Variants in C4orf33 observed in about 807,000 individuals in gnomAD.
C4orf33 encodes chromosome 4 open reading frame 33.
In C4orf33, 20 loss-of-function variants were observed where a neutral mutation model predicts 24.3. The ratio of observed to expected loss-of-function variants is 0.82; its 90% CI spans 0.58 to 1.19. C4orf33 has a LOEUF of 1.19. Ranked by LOEUF, C4orf33 falls within the 50% of genes most tolerant of loss-of-function variation. The pLI is 0.00. For missense variants in C4orf33, 207 were observed against 225.9 expected (o/e 0.92, Z 0.54); for synonymous variants, 67 against 76.4 (o/e 0.88, Z 0.64).
chr4:129,095,464 A>G (rs536291818), upstream of C4orf33, among the ~76,000 whole-genome samples: 1 of 152,236 alleles, frequency 6.6e-6, no homozygotes, highest in Non-Finnish European at 1.5e-5. Context: ...TATTAGTATA[A>G]ATTGAATACA....
chr4:129,111,514 T>C (rs1753689760), intron 5 of C4orf33, among the ~76,000 whole-genome samples, 172 bp from the exon 6 acceptor site: 1 of 152,222 alleles, frequency 6.6e-6, no homozygotes, highest in South Asian at 2.1e-4. Context: ...CAGAGCTGAG[T>C]GTTTGACAGC....
chr4:129,095,782 T>G (rs1359285256), upstream of C4orf33, among the ~76,000 whole-genome samples: 1 of 152,222 alleles, frequency 6.6e-6, no homozygotes, highest in African/African-American at 2.4e-5. Context: ...AATTGTTAAC[T>G]GCTATGAACA....
At chr4:129,099,897 C>T (rs1007484676) in intron 1 of C4orf33, among the ~76,000 whole-genome samples, 6 of 151,650 alleles carry the variant, frequency 4.0e-5, no homozygotes, top group East Asian at 1.9e-4. Flanking sequence ...CTTAGATTGA[C>T]GTCAGTGTTC....
At chr4:129,105,812 A>G (rs1753500003) in intron 2 of C4orf33, among the ~76,000 whole-genome samples, 1 of 152,186 alleles carries the variant, frequency 6.6e-6, no homozygotes, top group Non-Finnish European at 1.5e-5. Flanking sequence ...AAATTAAACA[A>G]TTTTAAAAAT....
chr4:129,110,326 C>G lies in C4orf33; in HGVS notation c.494+654C>G, dbSNP rs573241944. Among the ~76,000 whole-genome samples, 12 of 152,324 alleles carry G rather than the reference C, an allele frequency of 7.9e-5. 1 individual carries two copies. In the South Asian group the frequency reaches 2.5e-3, roughly 32 times the overall value. On this transcript the variant is annotated intron_variant, in intron 5 of 5. Transcript: ENST00000425929. ...AAGAGATATTGCTCTCATGGGGCAGCAGGCATTTGAGCCAAGTTATCTGCT... is the reference window on the plus strand; with the variant it reads ...AAGAGATATTGCTCTCATGGGGCAGGAGGCATTTGAGCCAAGTTATCTGCT...
rs70938454 is a variant in C4orf33 at position 129,100,332 on chromosome 4, A to ATTTT, written c.-9-2260_-9-2257dup. Among the ~76,000 whole-genome samples, 38 of 147,974 alleles carry ATTTT rather than the reference A, an allele frequency of 2.6e-4. 1 individual carries two copies. The highest frequency in any genetic ancestry group is 1.9e-3 in the South Asian group (9 of 4,660). On this transcript the variant is annotated intron_variant, in intron 1 of 5. Transcript: ENST00000425929. ...CGTAAACATTATGGATTGTATTTTG[A>ATTTT]TTTTTTTTTTTTTGGCTCATCAGCT...
chr4:129,108,748 T>C (rs551909148), intron 3 of C4orf33, among the ~76,000 whole-genome samples: 1 of 152,338 alleles, frequency 6.6e-6, no homozygotes, highest in South Asian at 2.1e-4. Context: ...TATAATTGTT[T>C]CTTTAAAGAA....
At chr4:129,108,615 C>G (rs2125803620) in intron 3 of C4orf33, among the ~76,000 whole-genome samples, 1 of 152,268 alleles carries the variant, frequency 6.6e-6, no homozygotes, top group Non-Finnish European at 1.5e-5. Flanking sequence ...TGGTTGAATT[C>G]AGACTTGGAA....
At chr4:129,103,016 A>ATT (rs11383422) in intron 2 of C4orf33, 9,285 of 175,538 alleles carry the variant, frequency 0.053, 243 homozygotes, top group South Asian at 0.076. Context: ...ACAAATCCAG[A>ATT]TTTTTTTTTT....
At chr4:129,102,367 A>G (rs1753381166) in intron 1 of C4orf33, among the ~76,000 whole-genome samples, 1 of 152,240 alleles carries the variant, frequency 6.6e-6, no homozygotes, top group African/African-American at 2.4e-5. Context: ...TAAATAAAAA[A>G]GTGTTAAATC....
intron 4 of C4orf33, 28 bp from the exon 5 acceptor site, chr4:129,109,444 CT>C: frequency 6.2e-7 from 1 of 1,606,120 alleles, no homozygotes; most frequent in East Asian, 2.2e-5. Flanking sequence ...CCAATTTTAT[CT>C]TTTGTGTTTC....
At chr4:129,096,526 CTT>C (rs1397717992) in intron 1 of C4orf33, among the ~76,000 whole-genome samples, 1 of 152,284 alleles carries the variant, frequency 6.6e-6, no homozygotes, top group African/African-American at 2.4e-5. Context: ...TTTACCATAA[CTT>C]ATTTCTTTTA....
In C4orf33 at chr4:129,112,031, G is replaced by A. The variant is rs1753703515; in HGVS notation, c.*240G>A. On this transcript the variant is annotated 3_prime_UTR_variant, in exon 6 of 6. Coordinates refer to ENST00000425929, the MANE Select transcript of C4orf33 (RefSeq NM_001099783.2). Reference sequence around the variant, plus strand: ...TTCTCAGAGTCACTTAGTCCAGGATGTTGCATTCCCAGCACACAGTACAGT... The same window carrying A: ...TTCTCAGAGTCACTTAGTCCAGGATATTGCATTCCCAGCACACAGTACAGT... 2.8e-6 allele frequency: 1 copy of A among 359,848 alleles called. No individual in the cohort carries two copies. Among genetic ancestry groups the A allele is most frequent in the African/African-American group, 2.1e-5 (1 of 47,316 alleles). 22.3% of individuals were successfully genotyped at this position (359,848 alleles called of 1,614,324 possible).
rs759109354 is a variant in C4orf33, at chr4:129,102,710, A to T, written c.100A>T (p.Ile34Phe). Residue 34 changes from isoleucine (I) to phenylalanine (F), a missense_variant, in exon 2 of 6, where the codon ATT becomes TTT. Coordinates refer to ENST00000425929, the MANE Select transcript of C4orf33 (RefSeq NM_001099783.2). ...NPGDRGVMMD[I>F]SAPFFRDPPA... is the part of the protein sequence containing the mutation. ...AGGTGACAGAGGAGTGATGATGGAC[A>T]TTAGTGCTCCATTTTTCAGGGATCC... The T allele has an allele frequency of 1.9e-6, 3 of 1,614,000 alleles. No individual in the cohort carries two copies. Among genetic ancestry groups the T allele is most frequent in the Non-Finnish European group, 2.5e-6 (3 of 1,179,978 alleles).
chr4:129,105,667 A>G (rs1259243049), intron 2 of C4orf33, among the ~76,000 whole-genome samples: 1 of 152,224 alleles, frequency 6.6e-6, no homozygotes, highest in Non-Finnish European at 1.5e-5. Flanking sequence ...AAATACTACT[A>G]TTCAGTCATT....
intron 1 of C4orf33, among the ~76,000 whole-genome samples, chr4:129,098,543 T>C (rs1326867087): frequency 6.6e-6 from 1 of 152,264 alleles, no homozygotes; most frequent in African/African-American, 2.4e-5. Flanking sequence ...TAAAAGGTTT[T>C]CTCTACTAAT....
upstream of C4orf33, among the ~76,000 whole-genome samples, chr4:129,094,411 T>C (rs912633710): frequency 6.6e-6 from 1 of 152,210 alleles, no homozygotes; most frequent in Non-Finnish European, 1.5e-5. Context: ...TGTATTTTTA[T>C]GGACTGAAGT....
At chr4:129,110,040 CCT>C (rs1391608486) in intron 5 of C4orf33, 108 of 1,024,244 alleles carry the variant, frequency 1.1e-4, no homozygotes, top group Non-Finnish European at 1.2e-4. Flanking sequence ...CAAACAGTCC[CCT>C]GTTACAAGGA....
At chr4:129,101,229 T>C (rs2125799952) in intron 1 of C4orf33, among the ~76,000 whole-genome samples, 1 of 152,318 alleles carries the variant, frequency 6.6e-6, no homozygotes, top group Non-Finnish European at 1.5e-5. Context: ...TTGGATTTCT[T>C]ATGTTACACA....
Sources: gnomAD v4.1 joint callset for allele counts (sites outside exome capture counted in the v4.1 genomes callset) on GRCh38, gnomAD v4.1.1 for gene constraint, MANE v1.5 for transcripts, NCBI Gene and HGNC (gene_info 2026-07-23, HGNC 2026-07-21) for gene names.